The following SPATA33 variants were observed in gnomAD, a reference collection of about 807,000 sequenced individuals.
The protein encoded by SPATA33 is spermatogenesis-associated protein 33.
Under a neutral mutation model 8.9 loss-of-function variants are expected in SPATA33, and 10 were observed. The observed-to-expected ratio is 1.12, with a 90% CI of 0.69 to 1.90. SPATA33 has a LOEUF of 1.90. SPATA33 is among the 40% of genes most tolerant of loss of function. The probability of loss-of-function intolerance (pLI) is 0.00; values close to 1 mark genes in which losing one functional copy is unlikely to be tolerated. For missense variants in SPATA33, 241 were observed against 178.3 expected (o/e 1.35, Z -2.00); for synonymous variants, 96 against 72.8 (o/e 1.32, Z -1.63).
intron 2 of SPATA33, among the ~76,000 whole-genome samples, chr16:89,668,812 G>A (rs909708941): frequency 3.9e-5 from 6 of 152,220 alleles, no homozygotes; most frequent in Admixed American, 6.5e-5. Flanking sequence ...GGTCTCAGGC[G>A]TTCCTTGTAA....
rs1049329414 is a variant in SPATA33 at position 89,657,846 on chromosome 16, C to T, written c.-66C>T. On this transcript the variant is annotated 5_prime_UTR_variant, in exon 1 of 3. Transcript: ENST00000579310. ...GCGCGAGGACCTTTTGTGAGTCGCTCCCGGCTCCGCGGCCGCGGAGGTGTG... is the reference window on the plus strand; with the variant it reads ...GCGCGAGGACCTTTTGTGAGTCGCTTCCGGCTCCGCGGCCGCGGAGGTGTG... The T allele has an allele frequency of 1.0e-4, 157 of 1,510,256 alleles. No homozygotes were observed. Among genetic ancestry groups the T allele is most frequent in the Non-Finnish European group, 4.7e-5 (53 of 1,135,900 alleles). The allele number at this position is 1,510,256 out of a possible 1,614,324, so 93.6% of individuals were successfully genotyped here. A position where few individuals can be genotyped will look rare whatever the true frequency, so the allele number is the denominator to read the frequency against.
At chr16:89,662,165 A>AC (rs2059973443) in intron 2 of SPATA33, among the ~76,000 whole-genome samples, 1 of 151,972 alleles carries the variant, frequency 6.6e-6, no homozygotes, top group Non-Finnish European at 1.5e-5. Context: ...GTGGTGGTGC[A>AC]CACCTGTAAT....
Position 89,669,441 on chromosome 16 carries a change from C to T in SPATA33, c.367C>T (p.Arg123Trp), listed in dbSNP as rs184245173. The T allele has an allele frequency of 8.3e-5, 134 of 1,613,922 alleles. No individual in the cohort carries two copies. The highest frequency in any genetic ancestry group is 7.9e-4 in the African/African-American group (59 of 75,024). Residue 123 changes from arginine (R) to tryptophan (W), a missense_variant, in exon 3 of 3, where the codon CGG becomes TGG. By Grantham distance (101) the Arg-to-Trp change is moderately radical. Coordinates refer to ENST00000579310, the MANE Select transcript of SPATA33 (RefSeq NM_001271907.2). ...IREPEDWGPYRRHRNPSTADA... is the reference protein window; with the variant it reads ...IREPEDWGPYWRHRNPSTADA... ...GGAGCCGGAGGACTGGGGCCCCTAC[C>T]GGCGGCACAGGAACCCCAGTACAGC... is the stretch of plus-strand genomic sequence containing the variant.
chr16:89,668,474 C>T (rs1164614609), intron 2 of SPATA33, among the ~76,000 whole-genome samples: 1 of 43,690 alleles, frequency 2.3e-5, no homozygotes, highest in Non-Finnish European at 7.2e-5. Context: ...GTCTTCTAAC[C>T]CTGACCACAC....
At chr16:89,665,905 G>A (rs1021282066) in intron 2 of SPATA33, among the ~76,000 whole-genome samples, 1 of 151,674 alleles carries the variant, frequency 6.6e-6, no homozygotes, top group South Asian at 2.1e-4. Flanking sequence ...CATGATGAAA[G>A]CCCATCTCTA....
intron 1 of SPATA33, 148 bp from the exon 2 acceptor site, chr16:89,658,100 G>C: frequency 6.7e-7 from 1 of 1,489,358 alleles, no homozygotes; most frequent in Non-Finnish European, 8.9e-7. Context: ...CGGACGGCGC[G>C]TTTCCCGCCT....
chr16:89,658,721 T>C, intron 2 of SPATA33: 1 of 435,662 alleles, frequency 2.3e-6, no homozygotes, highest in Non-Finnish European at 4.3e-6. Context: ...GGGCTGGGTA[T>C]CTTGGTGCCA....
chr16:89,664,947 G>A (rs1305316209), intron 2 of SPATA33, among the ~76,000 whole-genome samples: 1 of 152,212 alleles, frequency 6.6e-6, no homozygotes, highest in Admixed American at 6.5e-5. Flanking sequence ...GTGATTTGTT[G>A]TGCAGCAATA....
Position 89,657,858 on chromosome 16 carries a change from G to C in SPATA33, c.-54G>C, listed in dbSNP as rs762450417. 4.0e-6 allele frequency: 6 copies of C among 1,510,266 alleles called. No homozygotes were observed. The highest frequency in any genetic ancestry group is 2.1e-5 in the Admixed American group (1 of 47,164). The allele number at this position is 1,510,266 out of a possible 1,614,324, so 93.6% of individuals were successfully genotyped here. A position where few individuals can be genotyped will look rare whatever the true frequency, so the allele number is the denominator to read the frequency against. On this transcript the variant is annotated 5_prime_UTR_variant, in exon 1 of 3. Coordinates refer to ENST00000579310, the MANE Select transcript of SPATA33 (RefSeq NM_001271907.2). ...TTTGTGAGTCGCTCCCGGCTCCGCG[G>C]CCGCGGAGGTGTGGGGACCCGGGCT... is the stretch of plus-strand genomic sequence containing the variant.
intron 2 of SPATA33, among the ~76,000 whole-genome samples, chr16:89,668,775 A>G (rs1429341817): frequency 2.0e-5 from 3 of 152,262 alleles, no homozygotes; most frequent in African/African-American, 7.2e-5. Context: ...GTACGTGGCA[A>G]CGCTCGGCAG....
chr16:89,669,012 C>T (rs532143544), intron 2 of SPATA33, among the ~76,000 whole-genome samples: 7 of 152,098 alleles, frequency 4.6e-5, no homozygotes, highest in East Asian at 3.9e-4. Context: ...CTTTGCTGGT[C>T]GCCCTGACAC....
intron 1 of SPATA33, 25 bp from the exon 2 acceptor site, chr16:89,658,223 C>T: frequency 6.2e-7 from 1 of 1,613,462 alleles, no homozygotes; most frequent in Non-Finnish European, 8.5e-7. Flanking sequence ...AGTCCCGGGT[C>T]TAACGGATGA....
rs771642101 is a variant in SPATA33 at position 89,657,848 on chromosome 16, C to A, written c.-64C>A. 6.6e-7 allele frequency: 1 copy of A among 1,509,776 alleles called. No individual in the cohort carries two copies. 93.5% of individuals were successfully genotyped at this position (1,509,776 alleles called of 1,614,324 possible). A position where few individuals can be genotyped will look rare whatever the true frequency, so the allele number is the denominator to read the frequency against. ...GCGAGGACCTTTTGTGAGTCGCTCC[C>A]GGCTCCGCGGCCGCGGAGGTGTGGG... is the stretch of plus-strand genomic sequence containing the variant. On this transcript the variant is annotated 5_prime_UTR_variant, in exon 1 of 3. Coordinates refer to ENST00000579310, the MANE Select transcript of SPATA33 (RefSeq NM_001271907.2).
intron 2 of SPATA33, chr16:89,660,265 CT>C (rs1568010977): frequency 1.1e-5 from 4 of 370,812 alleles, no homozygotes; most frequent in Non-Finnish European, 1.4e-5. Flanking sequence ...GCAAGGAAAC[CT>C]TTCCCAGGAA....
At chr16:89,668,195 C>G (rs1295957429) in intron 2 of SPATA33, among the ~76,000 whole-genome samples, 2 of 152,110 alleles carry the variant, frequency 1.3e-5, no homozygotes, top group Non-Finnish European at 2.9e-5. Flanking sequence ...GCCTGTAGTC[C>G]CAGTTGCTCA....
At chr16:89,665,722 A>G (rs1284077755) in intron 2 of SPATA33, among the ~76,000 whole-genome samples, 1 of 152,192 alleles carries the variant, frequency 6.6e-6, no homozygotes, top group East Asian at 1.9e-4. Context: ...AAATCAGTCA[A>G]CACCAAGTCA....
intron 2 of SPATA33, among the ~76,000 whole-genome samples, chr16:89,665,898 G>A (rs1306049487): frequency 6.6e-6 from 1 of 151,982 alleles, no homozygotes; most frequent in Non-Finnish European, 1.5e-5. Context: ...TGGCCAACAT[G>A]ATGAAAGCCC....
In SPATA33 at chr16:89,658,569, A is replaced by T. The variant is rs2059918950; in HGVS notation, c.211+148A>T. ...GAAACTGGTTTGTTTTGGGAACTTT[A>T]TGTAGGAGGTAAATATCCAGAAATC... is the stretch of plus-strand genomic sequence containing the variant. On this transcript the variant is annotated intron_variant, in intron 2 of 2. Coordinates refer to ENST00000579310, the MANE Select transcript of SPATA33 (RefSeq NM_001271907.2). 27 of 993,954 alleles carry T rather than the reference A, an allele frequency of 2.7e-5. No homozygotes were observed. In the South Asian group the frequency reaches 4.2e-4, roughly 16 times the overall value. The allele number at this position is 993,954 out of a possible 1,614,324, so 61.6% of individuals were successfully genotyped here. A position where few individuals can be genotyped will look rare whatever the true frequency, so the allele number is the denominator to read the frequency against.
At chr16:89,661,183 A>G (rs2151527046) in intron 2 of SPATA33, 2 of 985,466 alleles carry the variant, frequency 2.0e-6, no homozygotes, top group South Asian at 4.7e-5. Flanking sequence ...CCATAAGTTA[A>G]TCACTGTGGC....
Sources: allele counts gnomAD v4.1 joint callset (sites outside exome capture counted in the v4.1 genomes callset), GRCh38; gene constraint gnomAD v4.1.1; transcripts MANE v1.5; gene names NCBI Gene and HGNC (gene_info 2026-07-23, HGNC 2026-07-21).